The following IGSF10 variants were observed in gnomAD, a reference collection of about 807,000 sequenced individuals.
IGSF10 encodes calvaria mechanical force protein 608.
A neutral mutation model predicts 128.2 loss-of-function variants in IGSF10; 126 were observed. The ratio of observed to expected loss-of-function variants is 0.98; its 90% confidence interval spans 0.85 to 1.14. IGSF10 has a LOEUF of 1.14. Among genes scored for constraint, IGSF10 ranks in the 50% most tolerant of loss-of-function variants. The probability of loss-of-function intolerance (pLI) is 0.00; values close to 1 mark genes in which losing one functional copy is unlikely to be tolerated. For synonymous variants in IGSF10, 1,185 were observed against 1,146.2 expected (o/e 1.03, Z -0.68); for missense variants, 3,295 against 3,149.8 (o/e 1.05, Z -1.10).
At chr3:151,535,140 GAC>G in the IGSF10 span, among the ~76,000 whole-genome samples, 1 of 152,062 alleles carries the variant, frequency 6.6e-6, no homozygotes, top group African/African-American at 2.4e-5. Flanking sequence ...AACAACATCT[GAC>G]ACAGTGCAAA....
the IGSF10 span, among the ~76,000 whole-genome samples, chr3:151,591,162 GA>G: frequency 6.6e-6 from 1 of 151,484 alleles, no homozygotes; most frequent in Non-Finnish European, 1.5e-5. Context: ...TCGGCTAAAA[GA>G]AAAGATACAT....
intron 5 of IGSF10, among the ~76,000 whole-genome samples, chr3:151,451,946 CA>C (rs1721530534): frequency 6.6e-6 from 1 of 152,162 alleles, no homozygotes; most frequent in Non-Finnish European, 1.5e-5. Context: ...AAGATACCCA[CA>C]AGTAGATAAA....
chr3:151,556,272 C>T, the IGSF10 span, among the ~76,000 whole-genome samples: 1 of 151,992 alleles, frequency 6.6e-6, no homozygotes, highest in Non-Finnish European at 1.5e-5. Context: ...GTAAAAGTAC[C>T]ACTAACACAG....
chr3:151,617,777 T>C, the IGSF10 span, among the ~76,000 whole-genome samples: 1 of 152,098 alleles, frequency 6.6e-6, no homozygotes, highest in African/African-American at 2.4e-5. Context: ...TATTAAGAGG[T>C]GGGCCTTTTA....
chr3:151,577,052 A>G, the IGSF10 span, among the ~76,000 whole-genome samples: 9 of 152,134 alleles, frequency 5.9e-5, no homozygotes, highest in Non-Finnish European at 1.0e-4. Flanking sequence ...TCAGCTTTGG[A>G]GTCTGCCCTA....
rs1560169017 is a variant in IGSF10 at position 151,437,287 on chromosome 3, A to ATGAC, written c.7270_7273dup (p.Ile2425SerfsTer34). The ATGAC allele has an allele frequency of 2.5e-6, 4 of 1,614,188 alleles. No individual in the cohort carries two copies. The East Asian group carries it at 6.7e-5, about 27-fold the overall frequency. On this transcript the variant is annotated frameshift_variant, in exon 8 of 8. Transcript: ENST00000282466. LOFTEE classifies it low-confidence loss of function (END_TRUNC). ...AACTGGCTTCTGGCCAATTTCTAATATGACTAATTTCTCAATATAGCCAAC... is the reference window on the plus strand; with the variant it reads ...AACTGGCTTCTGGCCAATTTCTAATATGACTGACTAATTTCTCAATATAGCCAAC...
chr3:151,522,470 C>A, the IGSF10 span, among the ~76,000 whole-genome samples: 1 of 152,114 alleles, frequency 6.6e-6, no homozygotes, highest in African/African-American at 2.4e-5. Context: ...CATCTAGCAG[C>A]TCATCAGAAA....
rs774197103 is a variant in IGSF10 at position 151,447,415 on chromosome 3, G to A, written c.2566C>T (p.Pro856Ser). The change falls in exon 6 of 8, where the codon CCC becomes TCC. Residue 856 changes from proline to serine, a missense_variant. Physicochemically the swap from Pro to Ser is moderately conservative, Grantham distance 74. Coordinates refer to ENST00000282466, the MANE Select transcript of IGSF10 (RefSeq NM_178822.5). ...GCAGTAGACAGTTTGAAATCTGTGG[G>A]TTCTTCAGGTGGTAGTATTTGTGAA... The part of the protein sequence containing the change: ...VNSQILPPEE[P>S]TDFKLSTAIK... 2 of 1,614,046 alleles carry A rather than the reference G, an allele frequency of 1.2e-6. No homozygotes were observed. The highest frequency in any genetic ancestry group is 2.2e-5 in the South Asian group (2 of 91,074).
chr3:151,610,303 C>A, the IGSF10 span, among the ~76,000 whole-genome samples: 2 of 152,094 alleles, frequency 1.3e-5, no homozygotes, highest in Non-Finnish European at 2.9e-5. Flanking sequence ...TTCCTATTCC[C>A]AATACAGAGC....
the IGSF10 span, among the ~76,000 whole-genome samples, chr3:151,585,632 T>A: frequency 6.6e-6 from 1 of 152,192 alleles, no homozygotes; most frequent in Non-Finnish European, 1.5e-5. Context: ...CCTGTAAGAC[T>A]ACCTTTAGTA....
intron 7 of IGSF10, among the ~76,000 whole-genome samples, chr3:151,441,849 C>G (rs574906407): frequency 2.0e-5 from 3 of 152,248 alleles, no homozygotes; most frequent in African/African-American, 7.2e-5. Context: ...ATCACGAGGT[C>G]AGGAGATCAA....
the IGSF10 span, among the ~76,000 whole-genome samples, chr3:151,559,766 G>A: frequency 7.0e-4 from 106 of 152,254 alleles, no homozygotes; most frequent in Non-Finnish European, 1.2e-3. Flanking sequence ...ATTTTGAATA[G>A]GTTTCAGACT....
chr3:151,488,141 C>T, the IGSF10 span, among the ~76,000 whole-genome samples: 1 of 152,116 alleles, frequency 6.6e-6, no homozygotes, highest in Non-Finnish European at 1.5e-5. Context: ...TCCCAGGATA[C>T]AAAATCAATG....
upstream of IGSF10, among the ~76,000 whole-genome samples, chr3:151,462,536 T>C (rs1440739378): frequency 6.6e-6 from 1 of 151,806 alleles, no homozygotes; most frequent in Non-Finnish European, 1.5e-5. Context: ...ATTCCCATTT[T>C]ACAAGTAAGG....
intron 6 of IGSF10, among the ~76,000 whole-genome samples, chr3:151,444,447 A>G (rs1161802068): frequency 6.6e-6 from 1 of 152,116 alleles, no homozygotes; most frequent in African/African-American, 2.4e-5. Flanking sequence ...AGCTGGGACT[A>G]CAGGTGCCCA....
At chr3:151,548,849 T>C in the IGSF10 span, among the ~76,000 whole-genome samples, 30 of 152,098 alleles carry the variant, frequency 2.0e-4, no homozygotes, top group African/African-American at 7.0e-4. Flanking sequence ...CCAGCTCTTT[T>C]TAAATTTTAA....
At chr3:151,492,149 G>A in the IGSF10 span, among the ~76,000 whole-genome samples, 3 of 152,118 alleles carry the variant, frequency 2.0e-5, no homozygotes, top group Non-Finnish European at 2.9e-5. Flanking sequence ...AAGAACTCTT[G>A]TAACTCAATA....
chr3:151,578,810 T>A, the IGSF10 span, among the ~76,000 whole-genome samples: 1 of 152,218 alleles, frequency 6.6e-6, no homozygotes, highest in East Asian at 1.9e-4. Flanking sequence ...GGACAGAAAA[T>A]TGCTTTTAGC....
At chr3:151,557,752 G>T in the IGSF10 span, among the ~76,000 whole-genome samples, 1 of 151,478 alleles carries the variant, frequency 6.6e-6, no homozygotes. Context: ...TAGTTTCCCT[G>T]TGTGCAAATA....
Sources: allele counts gnomAD v4.1 joint callset (sites outside exome capture counted in the v4.1 genomes callset), GRCh38; gene constraint gnomAD v4.1.1; transcripts MANE v1.5; gene names NCBI Gene and HGNC (gene_info 2026-07-23, HGNC 2026-07-21).